Variants in NUMB observed in about 807,000 individuals in gnomAD.
NUMB encodes the protein NUMB endocytic adaptor protein.
NUMB carries 29 observed loss-of-function variants against 59.7 expected under a neutral mutation model. That is an observed-to-expected ratio of 0.49 (90% confidence interval 0.36 to 0.66). NUMB has a LOEUF of 0.66. Ranked by LOEUF, NUMB falls within the 30% of genes least tolerant of loss-of-function variation. NUMB has a pLI of 0.00. For synonymous variants in NUMB, 288 were observed against 288.2 expected (o/e 1.00, Z 0.01); for missense variants, 723 against 822.0 (o/e 0.88, Z 1.47).
chr14:73,319,350 A>G (rs774275240), intron 5 of NUMB, among the ~76,000 whole-genome samples: 1 of 152,230 alleles, frequency 6.6e-6, no homozygotes, highest in Non-Finnish European at 1.5e-5. Context: ...TACAGTGATG[A>G]GCATAGCTGC....
intron 3 of NUMB, among the ~76,000 whole-genome samples, chr14:73,361,205 C>T (rs1403785050): frequency 1.3e-5 from 2 of 152,094 alleles, no homozygotes; most frequent in African/African-American, 4.8e-5. Flanking sequence ...TTTCTAATTA[C>T]TTTGTTTCAT....
intron 4 of NUMB, among the ~76,000 whole-genome samples, chr14:73,328,911 G>A (rs1046525095): frequency 3.9e-5 from 6 of 152,174 alleles, no homozygotes; most frequent in Non-Finnish European, 8.8e-5. Context: ...CTGTCGCCCA[G>A]GCTGGGGTGT....
rs775145232 is a variant in NUMB at position 73,276,685 on chromosome 14, C to T, written c.1849G>A (p.Glu617Lys). 1 of 1,614,214 alleles carries T rather than the reference C, an allele frequency of 6.2e-7. No homozygotes were observed. The highest frequency in any genetic ancestry group is 8.5e-7 in the Non-Finnish European group (1 of 1,180,028). Residue 617 changes from glutamate to lysine, a missense_variant, in exon 13 of 13, where the codon GAA becomes AAA. Physicochemically the swap from Glu to Lys is moderately conservative, Grantham distance 56. Transcript: ENST00000555238. ...PTGTCPVDPF[E>K]AQWAALENKS... ...TTTTCTAATGCAGCCCACTGGGCTT[C>T]AAAAGGATCCACTGGGCAGGTGCCT...
chr14:73,351,061 C>T (rs1893226703), intron 4 of NUMB, among the ~76,000 whole-genome samples: 1 of 152,172 alleles, frequency 6.6e-6, no homozygotes, highest in East Asian at 1.9e-4. Flanking sequence ...CAGTTGAATA[C>T]AATGTCCACT....
chr14:73,445,395 A>C (rs1883422723), intron 1 of NUMB, among the ~76,000 whole-genome samples: 1 of 133,422 alleles, frequency 7.5e-6, no homozygotes, highest in African/African-American at 2.7e-5. Context: ...AAAAAAAAAA[A>C]ACTTACAGCT....
In NUMB at chr14:73,423,001, A is replaced by AT. The variant is rs374599573; in HGVS notation, c.-232-12934dup. 4.1e-3 allele frequency among the ~76,000 whole-genome samples: 620 copies of AT among 152,162 alleles called. 4 individuals carry two copies. The highest frequency in any genetic ancestry group is 0.014 in the African/African-American group (594 of 41,472). On this transcript the variant is annotated intron_variant, in intron 1 of 12. Coordinates refer to ENST00000555238, the MANE Select transcript of NUMB (RefSeq NM_001005743.2). ...TTAATCCTTATAACTGACAGATATC[A>AT]TAAGACAGATGTCATTATTCTTTTC... is the stretch of plus-strand genomic sequence containing the variant.
intron 10 of NUMB, 37 bp downstream of exon 10, chr14:73,284,044 C>A (rs767585799): frequency 6.3e-7 from 1 of 1,589,608 alleles, no homozygotes; most frequent in Admixed American, 1.7e-5. Context: ...TGCTTCAGTG[C>A]TCGAGTACCC....
intron 5 of NUMB, among the ~76,000 whole-genome samples, chr14:73,319,437 A>G (rs887644340): frequency 3.3e-5 from 5 of 152,192 alleles, no homozygotes; most frequent in African/African-American, 1.2e-4. Context: ...CTATTCTTTA[A>G]AATTTTAAAC....
intron 1 of NUMB, among the ~76,000 whole-genome samples, chr14:73,442,393 A>G (rs888286266): frequency 1.3e-5 from 2 of 151,750 alleles, no homozygotes; most frequent in Admixed American, 1.3e-4. Flanking sequence ...ATAATAATAA[A>G]TTGTTTAAAT....
At chr14:73,386,438 C>T (rs1353889496) in intron 2 of NUMB, among the ~76,000 whole-genome samples, 1 of 152,130 alleles carries the variant, frequency 6.6e-6, no homozygotes, top group South Asian at 2.1e-4. Context: ...GTTGATCCAA[C>T]GCTGCTACAA....
At chr14:73,280,229 G>C (rs146590582) in intron 11 of NUMB, among the ~76,000 whole-genome samples, 109 of 152,178 alleles carry the variant, frequency 7.2e-4, no homozygotes, top group African/African-American at 2.4e-3. Context: ...TTATGTGCTA[G>C]TCATTAAGCT....
chr14:73,406,680 A>C (rs1896687128), intron 2 of NUMB, among the ~76,000 whole-genome samples: 2 of 152,178 alleles, frequency 1.3e-5, no homozygotes, highest in Non-Finnish European at 2.9e-5. Flanking sequence ...ACTGTCTTCC[A>C]CGATGGTTGA....
chr14:73,457,077 G>A (rs931951018), intron 1 of NUMB, among the ~76,000 whole-genome samples: 1 of 151,698 alleles, frequency 6.6e-6, no homozygotes, highest in African/African-American at 2.4e-5. Flanking sequence ...ACCTTATAAA[G>A]TAGGAACTAT....
rs1893399288 is a variant in NUMB at position 73,352,475 on chromosome 14, CACATATATATATATATAT to C, written c.126+3133_126+3150del. On this transcript the variant is annotated intron_variant, in intron 4 of 12. Coordinates refer to ENST00000555238, the MANE Select transcript of NUMB (RefSeq NM_001005743.2). The stretch of plus-strand genomic sequence containing the variant: ...ACACACACATACACACACACACACA[CACATATATATATATATAT>C]ATATATATATATATATATATATATA... Among the ~76,000 whole-genome samples, 83 of 13,732 alleles carry C rather than the reference CACATATATATATATATAT, an allele frequency of 6.0e-3. 9 individuals carry two copies. Among genetic ancestry groups the C allele is most frequent in the African/African-American group, 0.011 (45 of 4,124 alleles). The allele number at this position is 13,732 out of a possible 152,430, so 9.0% of individuals were successfully genotyped here. A position where few individuals can be genotyped will look rare whatever the true frequency, so the allele number is the denominator to read the frequency against.
At chr14:73,377,362 G>A (rs995093876) in intron 2 of NUMB, among the ~76,000 whole-genome samples, 1 of 152,192 alleles carries the variant, frequency 6.6e-6, no homozygotes, top group African/African-American at 2.4e-5. Context: ...TCCAGGCTGG[G>A]TATAGTGGGT....
chr14:73,393,736 TAATCTA>T (rs1566777204), intron 2 of NUMB, among the ~76,000 whole-genome samples: 2 of 152,236 alleles, frequency 1.3e-5, no homozygotes, highest in Admixed American at 6.5e-5. Flanking sequence ...TTCTGGCTCC[TAATCTA>T]ATAAAAGTCT....
chr14:73,433,506 AGTTT>A (rs1566795135), intron 1 of NUMB, among the ~76,000 whole-genome samples: 1 of 152,184 alleles, frequency 6.6e-6, no homozygotes, highest in South Asian at 2.1e-4. Context: ...TTTTTCACTC[AGTTT>A]GTTTCCAGGG....
chr14:73,333,109 T>C (rs1892081406), intron 4 of NUMB, among the ~76,000 whole-genome samples: 1 of 152,210 alleles, frequency 6.6e-6, no homozygotes, highest in Non-Finnish European at 1.5e-5. Flanking sequence ...TAGCAGTGAA[T>C]TGCTGGGTCA....
In NUMB at chr14:73,353,072, GTTTTTT is replaced by G. The variant is rs71112737; in HGVS notation, c.126+2548_126+2553del. Among the ~76,000 whole-genome samples, 26 of 58,520 alleles carry G rather than the reference GTTTTTT, an allele frequency of 4.4e-4. 3 individuals are homozygous for G. Among genetic ancestry groups the G allele is most frequent in the Admixed American group, 4.3e-3 (16 of 3,688 alleles). 38.4% of individuals were successfully genotyped at this position (58,520 alleles called of 152,430 possible). ...CTTAATGGATGCCACAGTTTTTCTT[GTTTTTT>G]TTTTTTTTTTTTTTTTTTTTTTTGA... is the stretch of plus-strand genomic sequence containing the variant. On this transcript the variant is annotated intron_variant, in intron 4 of 12. Transcript: ENST00000555238.
Sources: allele counts gnomAD v4.1 joint callset (sites outside exome capture counted in the v4.1 genomes callset), GRCh38; gene constraint gnomAD v4.1.1; transcripts MANE v1.5; gene names NCBI Gene and HGNC (gene_info 2026-07-23, HGNC 2026-07-21).